Variants in RPH3A observed in about 807,000 individuals in gnomAD.
RPH3A encodes rabphilin 3A.
A neutral mutation model predicts 102.2 loss-of-function variants in RPH3A; 48 were observed. The observed-to-expected ratio is 0.47, with a 90% CI of 0.37 to 0.60. The LOEUF (loss-of-function observed/expected upper bound fraction) is 0.60, where lower values mean the gene tolerates loss of function less well. Among genes scored for constraint, RPH3A ranks in the 20% least tolerant of loss-of-function variants. RPH3A has a pLI of 0.00. For missense variants in RPH3A, 781 were observed against 910.1 expected, an observed-to-expected ratio of 0.86 and a Z score of 1.83; for synonymous variants, 310 against 324.3, an observed-to-expected ratio of 0.96 and a Z score of 0.47.
intron 1 of RPH3A, among the ~76,000 whole-genome samples, chr12:112,667,662 AAGAGAGAGAGAGAGAGAGAGAGAG>A (rs71086114): frequency 0.051 from 3,735 of 72,852 alleles, 164 homozygotes; most frequent in Admixed American, 0.18. Flanking sequence ...GAGATGAATA[AAGAGAGAGAGAGAGAGAGAGAGAG>A]AGAGAGAGAG....
chr12:112,642,237 T>C (rs1592921896), intron 1 of RPH3A, among the ~76,000 whole-genome samples: 1 of 152,198 alleles, frequency 6.6e-6, no homozygotes, highest in African/African-American at 2.4e-5. Flanking sequence ...ATGTTTACTA[T>C]TTTTTCCAAT....
chr12:112,858,608 A>AT (rs1489293381), intron 5 of RPH3A, among the ~76,000 whole-genome samples: 1 of 152,144 alleles, frequency 6.6e-6, no homozygotes, highest in African/African-American at 2.4e-5. Flanking sequence ...AATTTGCATG[A>AT]TTTTTTAAAC....
At chr12:112,592,760 A>G (rs892058486) in intron 1 of RPH3A, among the ~76,000 whole-genome samples, 1 of 152,192 alleles carries the variant, frequency 6.6e-6, no homozygotes, top group Non-Finnish European at 1.5e-5. Context: ...GGCAGAGACA[A>G]TAATGTTCCT....
In RPH3A at chr12:112,881,881, T is replaced by C. The variant is rs759082496; in HGVS notation, c.1326+35T>C. 22 of 1,563,406 alleles carry C rather than the reference T, an allele frequency of 1.4e-5. No individual in the cohort carries two copies. In the East Asian group the frequency reaches 4.5e-4, roughly 32 times the overall value. On this transcript the variant is annotated intron_variant, in intron 15 of 21. Transcript: ENST00000389385. ...GGCCTGGGCTTCTCTGCAAACCGGGTGCATGGGCCCTGGCAGATACCCAGG... is the reference window on the plus strand; with the variant it reads ...GGCCTGGGCTTCTCTGCAAACCGGGCGCATGGGCCCTGGCAGATACCCAGG...
At chr12:112,826,104 G>C (rs11066427) in intron 2 of RPH3A, among the ~76,000 whole-genome samples, 48,238 of 118,362 alleles carry the variant, frequency 0.41, 8,876 homozygotes, top group East Asian at 0.77. Flanking sequence ...CACCGACCCC[G>C]CTGTGGGAGC....
At position 112,742,061 on chromosome 12, in the gene RPH3A, T is replaced by C. The variant is rs191747179; in HGVS notation, c.-139-50082T>C. The stretch of plus-strand genomic sequence containing the variant: ...ATAGGCTTCCTTCAGTCCACAGTCC[T>C]CAGTAAGACTTCTGAATAAAGCTAA... On this transcript the variant is annotated intron_variant, in intron 1 of 21. Coordinates refer to the RPH3A transcript ENST00000543106. Among the ~76,000 whole-genome samples the C allele has an allele frequency of 5.8e-3, 877 of 152,318 alleles. 5 individuals are homozygous for C. The highest frequency in any genetic ancestry group is 7.6e-3 in the Non-Finnish European group (514 of 68,022).
At chr12:112,779,126 T>G (rs1350779834) in intron 1 of RPH3A, among the ~76,000 whole-genome samples, 1 of 151,770 alleles carries the variant, frequency 6.6e-6, no homozygotes, top group East Asian at 1.9e-4. Context: ...AGGATTTGAT[T>G]AGGAGAAAGG....
At position 112,753,192 on chromosome 12, in the gene RPH3A, A is replaced by G. The variant is rs117003042; in HGVS notation, c.-139-38951A>G. On this transcript the variant is annotated intron_variant, in intron 1 of 21. Coordinates refer to the RPH3A transcript ENST00000543106. ...ACGATTCCACTCCTGCTTTTCCATT[A>G]TGGCCCTGACCTCAGCTTTCATGTC... is the stretch of plus-strand genomic sequence containing the variant. 7.8e-3 allele frequency among the ~76,000 whole-genome samples: 1,193 copies of G among 152,166 alleles called. 33 individuals are homozygous for G. Among genetic ancestry groups the G allele is most frequent in the Admixed American group, 0.04 (608 of 15,286 alleles).
At chr12:112,876,372 A>G (rs2042797266) in intron 12 of RPH3A, among the ~76,000 whole-genome samples, 1 of 152,190 alleles carries the variant, frequency 6.6e-6, no homozygotes, top group Non-Finnish European at 1.5e-5. Flanking sequence ...GACATTAAGT[A>G]ATTTGCCGCA....
At chr12:112,826,974 G>A (rs2041887889) in intron 2 of RPH3A, among the ~76,000 whole-genome samples, 1 of 152,160 alleles carries the variant, frequency 6.6e-6, no homozygotes, top group South Asian at 2.1e-4. Context: ...ATATACCTGA[G>A]TAGAATTCCT....
intron 2 of RPH3A, among the ~76,000 whole-genome samples, chr12:112,798,144 G>A (rs527360630): frequency 1.7e-3 from 257 of 152,296 alleles, no homozygotes; most frequent in African/African-American, 5.7e-3. Context: ...TATAACACAC[G>A]CTTAAATCTC....
intron 1 of RPH3A, among the ~76,000 whole-genome samples, chr12:112,582,082 A>G (rs529753461): frequency 6.8e-6 from 1 of 147,922 alleles, no homozygotes; most frequent in East Asian, 1.9e-4. Context: ...CAATTCCATC[A>G]TCCGAAGAAC....
At chr12:112,789,909 A>T (rs1309372611), upstream of RPH3A, among the ~76,000 whole-genome samples, 1 of 148,680 alleles carries the variant, frequency 6.7e-6, no homozygotes, top group Admixed American at 6.7e-5. Flanking sequence ...AAAAAAAAAA[A>T]TTAGCAGGGT....
chr12:112,601,099 A>T (rs2039555690), intron 1 of RPH3A, among the ~76,000 whole-genome samples: 1 of 152,142 alleles, frequency 6.6e-6, no homozygotes, highest in Non-Finnish European at 1.5e-5. Context: ...ACACGTGGGG[A>T]TTACCAGGAT....
upstream of RPH3A, among the ~76,000 whole-genome samples, chr12:112,789,317 G>C (rs1436885080): frequency 1.3e-5 from 2 of 152,084 alleles, no homozygotes; most frequent in African/African-American, 4.8e-5. Context: ...CTCGTCTCTG[G>C]TCCCGAGTTT....
At chr12:112,650,674 T>C (rs1339909497) in intron 1 of RPH3A, 1 of 152,166 alleles carries the variant, frequency 6.6e-6, no homozygotes, top group Non-Finnish European at 1.5e-5. Context: ...TAGAATAGTG[T>C]CTGACACATG....
intron 1 of RPH3A, among the ~76,000 whole-genome samples, chr12:112,712,941 TC>T (rs2040478829): frequency 8.6e-6 from 1 of 116,440 alleles, no homozygotes; most frequent in African/African-American, 2.9e-5. Flanking sequence ...TTCTTCTTCT[TC>T]TTCTTCTTCT....
chr12:112,888,043 C>T, intron 17 of RPH3A, 120 bp downstream of exon 17: 10 of 1,112,478 alleles, frequency 9.0e-6, no homozygotes, highest in Non-Finnish European at 1.3e-5. Flanking sequence ...GGCACTGCAG[C>T]AGGTCTGCAG....
chr12:112,862,236 TC>T (rs1364314038), intron 5 of RPH3A, among the ~76,000 whole-genome samples: 25 of 142,028 alleles, frequency 1.8e-4, no homozygotes, highest in East Asian at 4.1e-4. Flanking sequence ...TGAGACTCAG[TC>T]CCCCCCCCAA....
Sources: allele counts gnomAD v4.1 joint callset (sites outside exome capture counted in the v4.1 genomes callset), GRCh38; gene constraint gnomAD v4.1.1; transcripts MANE v1.5; gene names NCBI Gene and HGNC (gene_info 2026-07-23, HGNC 2026-07-21).